Variants in TENM2 observed in about 807,000 individuals in gnomAD.
The protein encoded by TENM2 is teneurin-2.
In TENM2, 52 loss-of-function variants were observed where a neutral mutation model predicts 245.2. That is an observed-to-expected ratio of 0.21 (90% confidence interval 0.17 to 0.27). The LOEUF (loss-of-function observed/expected upper bound fraction) is 0.27. Ranked by LOEUF, TENM2 falls within the 10% of genes least tolerant of loss-of-function variation. The pLI is 1.00. For synonymous variants in TENM2, 1,363 were observed against 1,438.9 expected, an observed-to-expected ratio of 0.95 and a Z score of 1.19; for missense variants, 3,046 against 3,666.8, an observed-to-expected ratio of 0.83 and a Z score of 4.37.
intron 2 of TENM2, among the ~76,000 whole-genome samples, chr5:167,464,207 T>G (rs1766503237): frequency 6.6e-6 from 1 of 152,118 alleles, no homozygotes; most frequent in African/African-American, 2.4e-5. Flanking sequence ...GTTCTAGCCC[T>G]GAGGAAAAGT....
At chr5:167,186,663 A>G in the TENM2 span, among the ~76,000 whole-genome samples, 21 of 152,236 alleles carry the variant, frequency 1.4e-4, no homozygotes, top group Non-Finnish European at 2.6e-4. Context: ...GATGAGCTGA[A>G]TGTGGAGCAC....
chr5:168,248,340 C>T (rs1766784895), exon 27 of TENM2: 1 of 1,613,678 alleles, frequency 6.2e-7, no homozygotes, highest in Non-Finnish European at 8.5e-7. Flanking sequence ...ATCCTCTCAG[C>T]AGTGAGCTAG....
At chr5:167,828,959 A>T (rs754025146) in intron 2 of TENM2, among the ~76,000 whole-genome samples, 3 of 152,210 alleles carry the variant, frequency 2.0e-5, no homozygotes, top group Admixed American at 2.0e-4. Context: ...GTTTCTGCCC[A>T]TCTGCCTTGC....
chr5:168,172,587 A>G (rs1376767228), intron 13 of TENM2, among the ~76,000 whole-genome samples: 1 of 152,214 alleles, frequency 6.6e-6, no homozygotes, highest in Non-Finnish European at 1.5e-5. Flanking sequence ...GGCCCCTCAC[A>G]GCACCTGAGT....
chr5:167,818,518 T>C (rs907886452), intron 2 of TENM2, among the ~76,000 whole-genome samples: 19 of 152,160 alleles, frequency 1.2e-4, no homozygotes, highest in African/African-American at 4.6e-4. Flanking sequence ...TATGATCTCA[T>C]TACCCATAGT....
intron 23 of TENM2, among the ~76,000 whole-genome samples, chr5:168,225,324 G>A (rs144643613): frequency 3.0e-4 from 45 of 152,328 alleles, no homozygotes; most frequent in African/African-American, 1.1e-3. Flanking sequence ...AAGACTCAGG[G>A]CATGGATGGT....
intron 2 of TENM2, among the ~76,000 whole-genome samples, chr5:167,754,253 A>T (rs187133940): frequency 1.1e-4 from 17 of 152,276 alleles, no homozygotes; most frequent in Non-Finnish European, 2.1e-4. Flanking sequence ...GAAACACAAT[A>T]AAAGAGGTAA....
At chr5:166,999,193 A>G in the TENM2 span, among the ~76,000 whole-genome samples, 1 of 152,318 alleles carries the variant, frequency 6.6e-6, no homozygotes, top group Non-Finnish European at 1.5e-5. Context: ...TGATGAATTC[A>G]GGTGAAAGTG....
the TENM2 span, among the ~76,000 whole-genome samples, chr5:167,161,658 A>G: frequency 6.6e-6 from 1 of 152,196 alleles, no homozygotes; most frequent in East Asian, 1.9e-4. Context: ...AATGGTCTTA[A>G]ATGCTGACAT....
chr5:167,646,024 A>G (rs1393868475), intron 2 of TENM2, among the ~76,000 whole-genome samples: 2 of 151,342 alleles, frequency 1.3e-5, no homozygotes, highest in Non-Finnish European at 2.9e-5. Flanking sequence ...CAGCCAGCTT[A>G]GTTCACTTTA....
At chr5:167,518,463 T>C (rs973062527) in intron 2 of TENM2, among the ~76,000 whole-genome samples, 11 of 152,222 alleles carry the variant, frequency 7.2e-5, no homozygotes, top group African/African-American at 2.7e-4. Context: ...TCATATATAA[T>C]TGTCATTTTT....
intron 1 of TENM2, among the ~76,000 whole-genome samples, chr5:167,327,166 C>A (rs1000375714): frequency 1.3e-5 from 2 of 151,654 alleles, no homozygotes; most frequent in Non-Finnish European, 2.9e-5. Context: ...CTAATGCTAT[C>A]CCTCCCCGCT....
the TENM2 span, among the ~76,000 whole-genome samples, chr5:167,001,197 A>G: frequency 1.3e-5 from 2 of 152,310 alleles, no homozygotes; most frequent in South Asian, 4.1e-4. Context: ...TACATTGGCA[A>G]TGGAAAAGAG....
At chr5:166,991,169 A>AT in the TENM2 span, among the ~76,000 whole-genome samples, 1,742 of 139,656 alleles carry the variant, frequency 0.012, 12 homozygotes, top group Middle Eastern at 0.029. Flanking sequence ...TGGTGTTTTG[A>AT]TTTTTTTTTT....
chr5:168,116,324 G>C (rs138532676), intron 9 of TENM2, among the ~76,000 whole-genome samples: 1 of 151,968 alleles, frequency 6.6e-6, no homozygotes, highest in Non-Finnish European at 1.5e-5. Flanking sequence ...TGAAAATAGC[G>C]CCCCCAGTAG....
intron 4 of TENM2, among the ~76,000 whole-genome samples, chr5:167,979,438 C>T (rs1252613957): frequency 6.6e-6 from 1 of 152,048 alleles, no homozygotes; most frequent in African/African-American, 2.4e-5. Flanking sequence ...ACCAAAAATT[C>T]TTCTAGACTT....
chr5:167,840,720 A>G (rs1448998972), intron 2 of TENM2, among the ~76,000 whole-genome samples: 1 of 152,224 alleles, frequency 6.6e-6, no homozygotes, highest in African/African-American at 2.4e-5. Context: ...AGAAACATCA[A>G]TAAAATATAC....
chr5:167,872,313 AG>A (rs1772910522), intron 2 of TENM2, among the ~76,000 whole-genome samples: 3 of 43,290 alleles, frequency 6.9e-5, no homozygotes, highest in African/African-American at 1.8e-4. Flanking sequence ...AAAGAAAGAA[AG>A]AAAGAAAGAA....
intron 2 of TENM2, among the ~76,000 whole-genome samples, chr5:167,581,403 G>A (rs12173126): frequency 0.53 from 80,694 of 152,026 alleles, 25,203 homozygotes; most frequent in Middle Eastern, 0.71. Flanking sequence ...TTCAGGTGCA[G>A]TCGATGATGT....
Sources: gnomAD v4.1 joint callset for allele counts (sites outside exome capture counted in the v4.1 genomes callset) on GRCh38, gnomAD v4.1.1 for gene constraint, MANE v1.5 for transcripts, NCBI Gene and HGNC (gene_info 2026-07-23, HGNC 2026-07-21) for gene names.